The following RBFOX1 variants were observed in gnomAD, a reference collection of about 807,000 sequenced individuals.
RBFOX1 encodes the protein RNA binding protein fox-1 homolog 1.
Under a neutral mutation model 57.7 loss-of-function variants are expected in RBFOX1, and 8 were observed. The observed-to-expected ratio is 0.14, with a 90% CI of 0.08 to 0.25. The LOEUF (loss-of-function observed/expected upper bound fraction) is 0.25, where lower values mean the gene tolerates loss of function less well. Among genes scored for constraint, RBFOX1 ranks in the 10% least tolerant of loss-of-function variants. The pLI is 1.00. For missense variants in RBFOX1, 611 were observed against 548.5 expected, an observed-to-expected ratio of 1.11 and a Z score of -1.14; for synonymous variants, 326 against 222.4, an observed-to-expected ratio of 1.47 and a Z score of -4.15.
At chr16:6,063,172 C>T (rs1318351218) in intron 1 of RBFOX1, among the ~76,000 whole-genome samples, 1 of 152,050 alleles carries the variant, frequency 6.6e-6, no homozygotes, top group African/African-American at 2.4e-5. Flanking sequence ...TCCCAGCATC[C>T]TTTATCATCT....
At chr16:5,713,296 G>C (rs1443851113) in intron 3 of RBFOX1, among the ~76,000 whole-genome samples, 1 of 152,190 alleles carries the variant, frequency 6.6e-6, no homozygotes, top group Admixed American at 6.5e-5. Flanking sequence ...CGATGAGGGA[G>C]AGAGAAGGAG....
At chr16:7,260,817 A>G (rs891461921) in intron 4 of RBFOX1, among the ~76,000 whole-genome samples, 2 of 152,182 alleles carry the variant, frequency 1.3e-5, no homozygotes, top group East Asian at 1.9e-4. Context: ...CAAATGGAAA[A>G]TTGCTTTTCT....
intron 3 of RBFOX1, among the ~76,000 whole-genome samples, chr16:5,679,322 C>G (rs888287801): frequency 1.3e-5 from 2 of 151,520 alleles, no homozygotes; most frequent in Non-Finnish European, 2.9e-5. Context: ...TGACTGACCA[C>G]CAATTCTCTC....
chr16:5,582,909 T>G (rs2046719519), intron 2 of RBFOX1, among the ~76,000 whole-genome samples: 1 of 152,204 alleles, frequency 6.6e-6, no homozygotes, highest in African/African-American at 2.4e-5. Flanking sequence ...GCCTGGTTTG[T>G]GAGATGAGCT....
At chr16:6,011,727 T>G (rs57094430) in intron 4 of RBFOX1, among the ~76,000 whole-genome samples, 83 of 152,262 alleles carry the variant, frequency 5.5e-4, no homozygotes, top group African/African-American at 1.9e-3. Context: ...TTACCATCCA[T>G]CAGTGAGTGA....
At chr16:5,438,823 C>G (rs517526) in intron 1 of RBFOX1, among the ~76,000 whole-genome samples, 7,538 of 152,092 alleles carry the variant, frequency 0.05, 249 homozygotes, top group African/African-American at 0.093. Context: ...CCATCTTGCA[C>G]TCTTTAGGGT....
At chr16:5,362,226 C>G (rs893886913) in intron 1 of RBFOX1, among the ~76,000 whole-genome samples, 3 of 152,152 alleles carry the variant, frequency 2.0e-5, no homozygotes, top group South Asian at 2.1e-4. Flanking sequence ...GAGTCTCGCT[C>G]TGTCCCCAGG....
intron 3 of RBFOX1, among the ~76,000 whole-genome samples, chr16:5,833,268 T>C (rs1040569211): frequency 1.3e-5 from 2 of 151,820 alleles, no homozygotes; most frequent in Admixed American, 6.6e-5. Context: ...CTGAGGCAGG[T>C]GGATCATGAG....
chr16:6,675,214 G>T (rs2057426122), intron 3 of RBFOX1, among the ~76,000 whole-genome samples: 1 of 152,092 alleles, frequency 6.6e-6, no homozygotes, highest in Non-Finnish European at 1.5e-5. Context: ...CATTTCTGTT[G>T]TTTTAAGCAA....
At chr16:6,459,112 G>C (rs575741563) in intron 2 of RBFOX1, among the ~76,000 whole-genome samples, 1 of 152,298 alleles carries the variant, frequency 6.6e-6, no homozygotes, top group Non-Finnish European at 1.5e-5. Context: ...AAGGTGGGTG[G>C]ATCCCGAGGT....
At chr16:6,780,436 A>G (rs1161299897) in intron 3 of RBFOX1, among the ~76,000 whole-genome samples, 2 of 112,064 alleles carry the variant, frequency 1.8e-5, no homozygotes, top group Non-Finnish European at 1.6e-5. Flanking sequence ...ATATTTATAG[A>G]TATATTTATA....
At chr16:6,730,299 G>A (rs941508781) in intron 3 of RBFOX1, among the ~76,000 whole-genome samples, 5 of 152,100 alleles carry the variant, frequency 3.3e-5, no homozygotes, top group Non-Finnish European at 7.3e-5. Context: ...GCAATGGTGA[G>A]AATCCCTTGA....
rs1567986799 is a variant in RBFOX1 at position 6,637,390 on chromosome 16, T to TATTATATAATATATAAA, written c.-63-17213_-63-17212insATTATATAATATATAAA. Among the ~76,000 whole-genome samples the TATTATATAATATATAAA allele has an allele frequency of 2.3e-3, 27 of 11,634 alleles. 3 individuals carry two copies. Among genetic ancestry groups the TATTATATAATATATAAA allele is most frequent in the African/African-American group, 3.2e-3 (20 of 6,328 alleles). The allele number at this position is 11,634 out of a possible 152,430, so 7.6% of individuals were successfully genotyped here. A position where few individuals can be genotyped will look rare whatever the true frequency, so the allele number is the denominator to read the frequency against. ...ATAATATATAATATACAAATATATA[T>TATTATATAATATATAAA]TATATATTAAATATATATATTATAT... On this transcript the variant is annotated intron_variant, in intron 2 of 15. Coordinates refer to ENST00000550418, the MANE Select transcript of RBFOX1 (RefSeq NM_018723.4).
At chr16:6,932,520 G>C (rs1597604363) in intron 3 of RBFOX1, among the ~76,000 whole-genome samples, 1 of 152,288 alleles carries the variant, frequency 6.6e-6, no homozygotes. Context: ...ATCCTTAGGA[G>C]GATCTGCTTC....
chr16:7,228,822 G>C (rs537576905), intron 4 of RBFOX1, among the ~76,000 whole-genome samples: 3 of 152,094 alleles, frequency 2.0e-5, no homozygotes, highest in East Asian at 3.8e-4. Context: ...ATAATCTCTC[G>C]GTTCTAACTT....
intron 1 of RBFOX1, among the ~76,000 whole-genome samples, chr16:6,122,752 C>T (rs1398312393): frequency 1.3e-5 from 2 of 151,626 alleles, no homozygotes; most frequent in Non-Finnish European, 2.9e-5. Flanking sequence ...GGACCTTTGT[C>T]ATCCATTCTG....
At chr16:7,669,127 C>A (rs556843560) in intron 13 of RBFOX1, among the ~76,000 whole-genome samples, 1 of 152,270 alleles carries the variant, frequency 6.6e-6, no homozygotes, top group East Asian at 1.9e-4. Flanking sequence ...TGGTCTCAAA[C>A]TCCTGACTTC....
chr16:6,235,960 A>G (rs567858921), intron 1 of RBFOX1, among the ~76,000 whole-genome samples: 1 of 152,228 alleles, frequency 6.6e-6, no homozygotes, highest in African/African-American at 2.4e-5. Context: ...CCATTAAAGA[A>G]TTTACTCATG....
chr16:6,292,605 C>T, intron 1 of RBFOX1, among the ~76,000 whole-genome samples: 1 of 152,130 alleles, frequency 6.6e-6, no homozygotes, highest in East Asian at 1.9e-4. Context: ...GAGGGGGAAC[C>T]TCATGGAGTC....
Sources: gnomAD v4.1 joint callset for allele counts (sites outside exome capture counted in the v4.1 genomes callset) on GRCh38, gnomAD v4.1.1 for gene constraint, MANE v1.5 for transcripts, NCBI Gene and HGNC (gene_info 2026-07-23, HGNC 2026-07-21) for gene names.